Variants in CSMD1 observed in about 807,000 individuals in gnomAD.
The protein encoded by CSMD1 is CUB and Sushi multiple domains 1, also known as CUB and sushi domain-containing protein 1.
Under a neutral mutation model 417.5 loss-of-function variants are expected in CSMD1, and 213 were observed. That is an observed-to-expected ratio of 0.51 (90% CI 0.46 to 0.57). CSMD1 has a LOEUF of 0.57. Ranked by LOEUF, CSMD1 falls within the 20% of genes least tolerant of loss-of-function variation. The pLI, the probability that CSMD1 is intolerant of heterozygous loss-of-function variation, is 0.00. For synonymous variants in CSMD1, 2,862 were observed against 1,736.8 expected (o/e 1.65, Z -16.11); for missense variants, 6,923 against 4,529.7 (o/e 1.53, Z -15.17).
chr8:2,970,554 A>G lies in CSMD1; in HGVS notation c.8923+2563T>C, dbSNP rs552189809. 6.6e-4 allele frequency among the ~76,000 whole-genome samples: 100 copies of G among 152,364 alleles called. 1 individual carries two copies. The highest frequency in any genetic ancestry group is 2.2e-3 in the African/African-American group (92 of 41,590). On this transcript the variant is annotated intron_variant, in intron 57 of 69. Transcript: ENST00000635120. Reference sequence around the variant, plus strand: ...TGAATAATTATTCCAGCATTCACTTATTGACATCCAGCCCTCTTTGTAACT... The same window carrying G: ...TGAATAATTATTCCAGCATTCACTTGTTGACATCCAGCCCTCTTTGTAACT...
intron 1 of CSMD1, among the ~76,000 whole-genome samples, chr8:4,973,468 T>C (rs917334548): frequency 6.6e-6 from 1 of 152,174 alleles, no homozygotes; most frequent in Non-Finnish European, 1.5e-5. Flanking sequence ...AATTATACAT[T>C]TTCATTTGAT....
intron 18 of CSMD1, among the ~76,000 whole-genome samples, chr8:3,386,150 C>T (rs1035366620): frequency 1.1e-4 from 16 of 152,022 alleles, no homozygotes; most frequent in African/African-American, 3.9e-4. Context: ...GAATTATAAC[C>T]AATAGCAGGA....
chr8:4,324,781 G>C (rs1799462605), intron 3 of CSMD1, among the ~76,000 whole-genome samples: 1 of 152,180 alleles, frequency 6.6e-6, no homozygotes, highest in African/African-American at 2.4e-5. Flanking sequence ...AACATCGAAA[G>C]TGTGTTTACC....
intron 27 of CSMD1, among the ~76,000 whole-genome samples, chr8:3,226,438 C>A (rs529589725): frequency 6.6e-5 from 10 of 152,138 alleles, no homozygotes; most frequent in Middle Eastern, 6.8e-3. Flanking sequence ...CAAAAAATAG[C>A]CGGGCGTGGT....
chr8:4,465,044 C>A (rs967609135), intron 2 of CSMD1, among the ~76,000 whole-genome samples: 2 of 152,184 alleles, frequency 1.3e-5, no homozygotes, highest in East Asian at 1.9e-4. Flanking sequence ...AAGGGAAACA[C>A]AACAAGGCCG....
rs556782554 is a variant in CSMD1, at chr8:3,608,539, G to A, written c.1097+8171C>T. On this transcript the variant is annotated intron_variant, in intron 8 of 69. Transcript: ENST00000635120. ...AGCACTTAGGGAGGCCAAGGTGGGT[G>A]GATCACGAGGTCAGGAGTTTGAGAC... Among the ~76,000 whole-genome samples, 7 of 152,204 alleles carry A rather than the reference G, an allele frequency of 4.6e-5. No homozygotes were observed. In the South Asian group the frequency reaches 1.0e-3, roughly 23 times the overall value.
At chr8:3,878,485 G>A (rs1195156931) in intron 5 of CSMD1, among the ~76,000 whole-genome samples, 1 of 151,954 alleles carries the variant, frequency 6.6e-6, no homozygotes, top group Non-Finnish European at 1.5e-5. Context: ...TATTAACTAA[G>A]TAGAACACAA....
chr8:4,820,303 T>C (rs1231805541), intron 1 of CSMD1, among the ~76,000 whole-genome samples: 1 of 152,174 alleles, frequency 6.6e-6, no homozygotes, highest in East Asian at 1.9e-4. Flanking sequence ...GCACAGTTAG[T>C]GCGCCATAGA....
chr8:4,441,095 G>GTTATTTTTTTTTTTTT (rs1798443913), intron 2 of CSMD1, among the ~76,000 whole-genome samples: 1 of 51,318 alleles, frequency 1.9e-5, no homozygotes, highest in African/African-American at 6.7e-5. Flanking sequence ...TAATCAAAAG[G>GTTATTTTTTTTTTTTT]TTTTTTTTTT....
intron 3 of CSMD1, among the ~76,000 whole-genome samples, chr8:4,084,830 C>G (rs1019552303): frequency 6.6e-6 from 1 of 150,924 alleles, no homozygotes; most frequent in Non-Finnish European, 1.5e-5. Flanking sequence ...CAAGACAGCT[C>G]TGTTCCATCT....
chr8:3,537,519 G>C (rs1585324610), intron 10 of CSMD1, among the ~76,000 whole-genome samples: 1 of 152,092 alleles, frequency 6.6e-6, no homozygotes, highest in African/African-American at 2.4e-5. Flanking sequence ...TAAATGTTTG[G>C]ACAAACCCCC....
chr8:3,226,362 C>T (rs1798503953), intron 27 of CSMD1, among the ~76,000 whole-genome samples: 1 of 152,078 alleles, frequency 6.6e-6, no homozygotes, highest in African/African-American at 2.4e-5. Flanking sequence ...GTGGGCGGAT[C>T]ATCTGAGGGC....
intron 7 of CSMD1, among the ~76,000 whole-genome samples, chr8:3,688,687 T>C (rs954023055): frequency 2.6e-5 from 4 of 152,230 alleles, no homozygotes; most frequent in African/African-American, 9.6e-5. Flanking sequence ...GCAATATTTC[T>C]GTAGGGCACT....
chr8:4,808,027 T>C (rs1442662173), intron 1 of CSMD1, among the ~76,000 whole-genome samples: 1 of 152,182 alleles, frequency 6.6e-6, no homozygotes, highest in African/African-American at 2.4e-5. Flanking sequence ...CTCTCGCCCA[T>C]AGATAGCACA....
chr8:4,161,362 G>C (rs975270649), intron 3 of CSMD1, among the ~76,000 whole-genome samples: 1 of 152,218 alleles, frequency 6.6e-6, no homozygotes, highest in African/African-American at 2.4e-5. Flanking sequence ...CTGTAAAAAT[G>C]CAGGCTTTCA....
intron 26 of CSMD1, among the ~76,000 whole-genome samples, chr8:3,277,728 G>A (rs575891970): frequency 6.6e-6 from 1 of 152,280 alleles, no homozygotes; most frequent in Non-Finnish European, 1.5e-5. Context: ...CATCAAGAAG[G>A]CAGGTGGACA....
At chr8:3,842,868 T>C (rs373763811) in intron 5 of CSMD1, among the ~76,000 whole-genome samples, 4 of 152,306 alleles carry the variant, frequency 2.6e-5, no homozygotes, top group African/African-American at 9.6e-5. Context: ...ATTAATATCA[T>C]TTGTTTCACA....
At chr8:4,911,743 C>G (rs890214893) in intron 1 of CSMD1, among the ~76,000 whole-genome samples, 3 of 152,112 alleles carry the variant, frequency 2.0e-5, no homozygotes, top group Non-Finnish European at 4.4e-5. Context: ...ACTGGTAAAT[C>G]ACGTTGGTTT....
chr8:3,951,610 C>G (rs562596379), intron 5 of CSMD1, among the ~76,000 whole-genome samples: 2 of 152,050 alleles, frequency 1.3e-5, no homozygotes, highest in African/African-American at 4.8e-5. Flanking sequence ...TACTACTACT[C>G]TAGGAAACAG....
Sources: allele counts gnomAD v4.1 joint callset (sites outside exome capture counted in the v4.1 genomes callset), GRCh38; gene constraint gnomAD v4.1.1; transcripts MANE v1.5; gene names NCBI Gene and HGNC (gene_info 2026-07-23, HGNC 2026-07-21).